Variants in TTC6 observed in about 807,000 individuals in gnomAD.
TTC6 encodes tetratricopeptide repeat protein 6.
TTC6 carries 172 observed loss-of-function variants against 210.4 expected under a neutral mutation model. The ratio of observed to expected loss-of-function variants is 0.82; its 90% CI spans 0.72 to 0.93. TTC6 has a LOEUF of 0.93. Among genes scored for constraint, TTC6 ranks in the 40% least tolerant of loss-of-function variants. The probability of loss-of-function intolerance (pLI) is 0.00; values close to 1 mark genes in which losing one functional copy is unlikely to be tolerated. For missense variants in TTC6, 2,414 were observed against 2,318.1 expected (o/e 1.04, Z -0.85); for synonymous variants, 804 against 819.6 (o/e 0.98, Z 0.32).
At chr14:37,826,126 G>A (rs1566976970) in intron 27 of TTC6, 69 bp from the exon 30 acceptor site, 1 of 1,465,238 alleles carries the variant, frequency 6.8e-7, no homozygotes, top group Non-Finnish European at 9.2e-7. Flanking sequence ...ATTTGATGGA[G>A]TCAGAATCAT....
chr14:37,605,697 C>A (rs1566834328), intron 1 of TTC6, among the ~76,000 whole-genome samples: 1 of 152,144 alleles, frequency 6.6e-6, no homozygotes, highest in Non-Finnish European at 1.5e-5. Context: ...TCAGTAAAAT[C>A]TCTAGTGTAT....
intron 5 of TTC6, among the ~76,000 whole-genome samples, 161 bp downstream of exon 7, chr14:37,701,687 T>G (rs534931885): frequency 4.6e-5 from 7 of 152,292 alleles, no homozygotes; most frequent in Admixed American, 6.5e-5. Context: ...GTATACAGTC[T>G]AGGTCTGTGT....
At chr14:37,803,691 A>G (rs1327463802) in intron 20 of TTC6, among the ~76,000 whole-genome samples, 2 of 152,162 alleles carry the variant, frequency 1.3e-5, no homozygotes, top group Non-Finnish European at 2.9e-5. Flanking sequence ...TCTGCAAGGA[A>G]TGAGAAAGAA....
At chr14:37,599,546 G>C (rs1446806854) in intron 1 of TTC6, among the ~76,000 whole-genome samples, 3 of 152,156 alleles carry the variant, frequency 2.0e-5, no homozygotes, top group Non-Finnish European at 4.4e-5. Context: ...TCCTGCCTGA[G>C]CGCCGCCGGG....
intron 1 of TTC6, among the ~76,000 whole-genome samples, chr14:37,604,050 T>G (rs1486491349): frequency 6.6e-6 from 1 of 152,234 alleles, no homozygotes; most frequent in Non-Finnish European, 1.5e-5. Context: ...ACATGTAGTG[T>G]CAGGGGCTGC....
intron 1 of TTC6, 135 bp downstream of exon 3, chr14:37,623,138 G>A (rs1434325654): frequency 3.3e-6 from 2 of 600,656 alleles, no homozygotes; most frequent in Non-Finnish European, 5.2e-6. Context: ...ACACTGGGGT[G>A]TTATTCAACT....
chr14:37,798,834 C>A (rs997020949), intron 20 of TTC6, among the ~76,000 whole-genome samples: 1 of 151,754 alleles, frequency 6.6e-6, no homozygotes, highest in Non-Finnish European at 1.5e-5. Context: ...TGTTTTTATC[C>A]TTTAATATGT....
intron 25 of TTC6, among the ~76,000 whole-genome samples, chr14:37,815,091 G>T (rs1475076739): frequency 6.6e-6 from 1 of 151,898 alleles, no homozygotes; most frequent in Non-Finnish European, 1.5e-5. Flanking sequence ...AATAGTAAAG[G>T]AATAAAAAAA....
chr14:37,699,638 C>T (rs1188442413), intron 4 of TTC6, among the ~76,000 whole-genome samples: 3 of 152,128 alleles, frequency 2.0e-5, no homozygotes, highest in Non-Finnish European at 2.9e-5. Context: ...AACTGGTGAA[C>T]GACTGCCTGC....
intron 24 of TTC6, among the ~76,000 whole-genome samples, chr14:37,810,671 C>T (rs2139430854): frequency 6.6e-6 from 1 of 152,288 alleles, no homozygotes; most frequent in East Asian, 1.9e-4. Context: ...AGTGTGTCCT[C>T]CTCCCTTGCT....
intron 2 of TTC6, among the ~76,000 whole-genome samples, chr14:37,616,461 C>G (rs1248269377): frequency 6.6e-6 from 1 of 152,164 alleles, no homozygotes; most frequent in Admixed American, 6.5e-5. Context: ...TTTGTTTACT[C>G]TGAAGAATTC....
intron 1 of TTC6, among the ~76,000 whole-genome samples, chr14:37,605,045 A>T (rs1323875619): frequency 1.3e-5 from 2 of 152,214 alleles, no homozygotes; most frequent in Non-Finnish European, 2.9e-5. Context: ...AATATTAAAG[A>T]CTTAAATGTT....
At chr14:37,777,550 C>A (rs1295665762) in intron 14 of TTC6, among the ~76,000 whole-genome samples, 1 of 152,094 alleles carries the variant, frequency 6.6e-6, no homozygotes, top group Non-Finnish European at 1.5e-5. Flanking sequence ...CAAATTTCAC[C>A]TGAATCTCAA....
intron 7 of TTC6, among the ~76,000 whole-genome samples, chr14:37,728,921 C>T (rs2095879161): frequency 6.6e-6 from 1 of 152,164 alleles, no homozygotes; most frequent in African/African-American, 2.4e-5. Flanking sequence ...GTTCTCTTCT[C>T]CCTGAAGTTG....
At chr14:37,696,612 T>C in intron 3 of TTC6, 105 bp from the exon 6 acceptor site, 1 of 476,696 alleles carries the variant, frequency 2.1e-6, no homozygotes, top group Non-Finnish European at 3.5e-6. Flanking sequence ...AACATATACA[T>C]AGAAATCTGG....
chr14:37,635,997 A>G (rs1015646551), intron 1 of TTC6, among the ~76,000 whole-genome samples: 2 of 150,680 alleles, frequency 1.3e-5, no homozygotes, highest in African/African-American at 4.8e-5. Context: ...AAAAAAAAAA[A>G]AAAGAAAAAA....
At chr14:37,599,947 TGCTCA>T (rs1566830634) in intron 1 of TTC6, among the ~76,000 whole-genome samples, 2 of 152,106 alleles carry the variant, frequency 1.3e-5, no homozygotes, top group Non-Finnish European at 2.9e-5. Context: ...TTGGAGGACG[TGCTCA>T]GCCCCAGCCG....
intron 14 of TTC6, among the ~76,000 whole-genome samples, chr14:37,767,452 C>G (rs1177342117): frequency 6.6e-6 from 1 of 152,204 alleles, no homozygotes; most frequent in Non-Finnish European, 1.5e-5. Context: ...CATATCCTCT[C>G]CAGCACCTGT....
intron 14 of TTC6, among the ~76,000 whole-genome samples, chr14:37,775,276 G>C (rs1026045985): frequency 6.6e-6 from 1 of 152,028 alleles, no homozygotes; most frequent in Non-Finnish European, 1.5e-5. Context: ...TATCTTTCAG[G>C]TTGGTTTGCT....
Sources: gnomAD v4.1 joint callset for allele counts (sites outside exome capture counted in the v4.1 genomes callset) on GRCh38, gnomAD v4.1.1 for gene constraint, MANE v1.5 for transcripts, NCBI Gene and HGNC (gene_info 2026-07-23, HGNC 2026-07-21) for gene names.